Variants in CHCHD4 observed in about 807,000 individuals in gnomAD.
The protein encoded by CHCHD4 is coiled-coil-helix-coiled-coil-helix domain containing 4, also known as mitochondrial intermembrane space import and assembly protein 40.
CHCHD4 carries 7 observed loss-of-function variants against 12.4 expected under a neutral mutation model. The ratio of observed to expected loss-of-function variants is 0.57; its 90% CI spans 0.32 to 1.06. The LOEUF (loss-of-function observed/expected upper bound fraction) is 1.06, where lower values mean the gene tolerates loss of function less well. Among genes scored for constraint, CHCHD4 ranks in the 50% least tolerant of loss-of-function variants. The pLI is 0.04. For synonymous variants in CHCHD4, 56 were observed against 58.0 expected, an observed-to-expected ratio of 0.97 and a Z score of 0.16; for missense variants, 143 against 175.1, an observed-to-expected ratio of 0.82 and a Z score of 1.03.
intron 2 of CHCHD4, among the ~76,000 whole-genome samples, 162 bp downstream of exon 2, chr3:14,116,264 C>A (rs1412792194): frequency 6.6e-6 from 1 of 152,190 alleles, no homozygotes; most frequent in East Asian, 1.9e-4. Context: ...GTCCCTCAAA[C>A]CTCTGAGGAA....
chr3:14,113,927 A>G (rs187725347), intron 2 of CHCHD4, among the ~76,000 whole-genome samples: 2 of 152,266 alleles, frequency 1.3e-5, no homozygotes, highest in Non-Finnish European at 2.9e-5. Context: ...ATTGAACTTT[A>G]TTCACATCTA....
At chr3:14,115,795 G>A (rs1299477277) in intron 2 of CHCHD4, among the ~76,000 whole-genome samples, 1 of 152,180 alleles carries the variant, frequency 6.6e-6, no homozygotes, top group Non-Finnish European at 1.5e-5. Flanking sequence ...TGTACAATAC[G>A]TAGATTGTTC....
chr3:14,122,121 G>A (rs187168510), intron 1 of CHCHD4: 25 of 1,536,314 alleles, frequency 1.6e-5, no homozygotes, highest in South Asian at 7.2e-5. Flanking sequence ...AGTAGTGTTC[G>A]CTCACACGTG....
intron 1 of CHCHD4, among the ~76,000 whole-genome samples, chr3:14,120,222 A>T (rs1396128024): frequency 1.3e-5 from 2 of 149,986 alleles, no homozygotes; most frequent in African/African-American, 4.9e-5. Flanking sequence ...GACACCTTCC[A>T]CCCCCAGCTG....
intron 1 of CHCHD4, among the ~76,000 whole-genome samples, chr3:14,123,209 C>G (rs901933222): frequency 1.3e-5 from 2 of 152,078 alleles, no homozygotes; most frequent in African/African-American, 4.8e-5. Flanking sequence ...GGCAGATGGA[C>G]CTAGCCTCCC....
rs183691670 is a variant in CHCHD4 at position 14,118,803 on chromosome 3, A to T, written c.23-2279T>A. 1.8e-4 allele frequency among the ~76,000 whole-genome samples: 27 copies of T among 152,342 alleles called. 1 individual carries two copies. In the East Asian group the frequency reaches 5.0e-3, roughly 28 times the overall value. ...CAAAATACTCAAAAGCAATCTGTAAAAATGTTGAACGCTAAGCAGAATGAG... is the reference window on the plus strand; with the variant it reads ...CAAAATACTCAAAAGCAATCTGTAATAATGTTGAACGCTAAGCAGAATGAG... On this transcript the variant is annotated intron_variant, in intron 1 of 2. Transcript: ENST00000396914.
Position 14,112,731 on chromosome 3 carries a change from TG to T in CHCHD4, c.*155del. The stretch of plus-strand genomic sequence containing the variant: ...ATTTTTTTCAGTGTATATGTCAAGA[TG>T]TCAAGACCTCAAGACCTCTGATCAT... On this transcript the variant is annotated 3_prime_UTR_variant, in exon 3 of 3. Coordinates refer to ENST00000396914, the MANE Select transcript of CHCHD4 (RefSeq NM_001098502.2). The T allele has an allele frequency of 1.5e-6, 1 of 684,178 alleles. No individual in the cohort carries two copies. 42.4% of individuals were successfully genotyped at this position (684,178 alleles called of 1,614,324 possible). A position where few individuals can be genotyped will look rare whatever the true frequency, so the allele number is the denominator to read the frequency against.
At chr3:14,117,048 CA>C (rs1231703492) in intron 1 of CHCHD4, among the ~76,000 whole-genome samples, 2 of 152,242 alleles carry the variant, frequency 1.3e-5, no homozygotes. Flanking sequence ...GACCATTTCC[CA>C]ACAAGTATAA....
rs1694829724 is a variant in CHCHD4 at position 14,112,284 on chromosome 3, A to T, written c.*603T>A. On this transcript the variant is annotated 3_prime_UTR_variant, in exon 3 of 3. Transcript: ENST00000396914. ...AGCCTCTCCCTTCACTTAGAAAGGG[A>T]TTATGAATGGAAGGGTCCAAATCTT... The T allele has an allele frequency of 6.6e-6, 1 of 152,214 alleles. No individual in the cohort carries two copies. The highest frequency in any genetic ancestry group is 1.5e-5 in the Non-Finnish European group (1 of 68,068). The allele number at this position is 152,214 out of a possible 1,614,324, so 9.4% of individuals were successfully genotyped here. A position where few individuals can be genotyped will look rare whatever the true frequency, so the allele number is the denominator to read the frequency against.
intron 1 of CHCHD4, among the ~76,000 whole-genome samples, chr3:14,120,259 C>A (rs1241042321): frequency 6.6e-6 from 1 of 151,996 alleles, no homozygotes; most frequent in African/African-American, 2.4e-5. Flanking sequence ...GTAGAGCCAC[C>A]CCAACCCGTC....
Position 14,123,154 on chromosome 3 carries a change from A to G in CHCHD4, c.22+1501T>C, listed in dbSNP as rs372415976. 2.7e-4 allele frequency among the ~76,000 whole-genome samples: 41 copies of G among 152,306 alleles called. 1 individual carries two copies. The South Asian group carries it at 3.5e-3, about 13-fold the overall frequency. On this transcript the variant is annotated intron_variant, in intron 1 of 2. Coordinates refer to ENST00000396914, the MANE Select transcript of CHCHD4 (RefSeq NM_001098502.2). ...TCAATTCTCACTCCTCTCCGAACTA[A>G]GAGAGATCTTTGAAGCAGGAAAAGA...
intron 2 of CHCHD4, 83 bp downstream of exon 2, chr3:14,116,343 G>T: frequency 1.0e-6 from 1 of 996,548 alleles, no homozygotes; most frequent in Non-Finnish European, 1.6e-6. Flanking sequence ...CCTTGGCTAG[G>T]AAAACATGGG....
At position 14,124,790 on chromosome 3, in the gene CHCHD4, C is replaced by T. The variant is rs750347272; in HGVS notation, c.-114G>A. 20 of 1,245,524 alleles carry T rather than the reference C, an allele frequency of 1.6e-5. No homozygotes were observed. Among genetic ancestry groups the T allele is most frequent in the African/African-American group, 6.2e-5 (4 of 64,266 alleles). 77.2% of individuals were successfully genotyped at this position (1,245,524 alleles called of 1,614,324 possible). ...GGGCTCCTCCGAAGCCCGCGCGGACCCGCCCCCTCCCAGGCCTGCCCGCCG... is the reference window on the plus strand; with the variant it reads ...GGGCTCCTCCGAAGCCCGCGCGGACTCGCCCCCTCCCAGGCCTGCCCGCCG... On this transcript the variant is annotated 5_prime_UTR_variant, in exon 1 of 3. Coordinates refer to ENST00000396914, the MANE Select transcript of CHCHD4 (RefSeq NM_001098502.2).
intron 1 of CHCHD4, chr3:14,121,942 G>A (rs1212047746): frequency 6.2e-7 from 1 of 1,613,854 alleles, no homozygotes. Flanking sequence ...CTCTGTGGTA[G>A]TACCTGGTGG....
rs139826991 is a variant in CHCHD4, at chr3:14,120,113, C to T, written c.23-3589G>A. Among the ~76,000 whole-genome samples, 111 of 152,190 alleles carry T rather than the reference C, an allele frequency of 7.3e-4. 1 individual carries two copies. In the East Asian group the frequency reaches 0.016, roughly 22 times the overall value. The stretch of plus-strand genomic sequence containing the variant: ...ATCAACTCAGTCCCCACCCCAGAAC[C>T]TTGGTCAGAGTGGGGAACTGGAGGC... On this transcript the variant is annotated intron_variant, in intron 1 of 2. Transcript: ENST00000396914.
Position 14,115,790 on chromosome 3 carries a change from A to G in CHCHD4, c.121+636T>C, listed in dbSNP as rs554297760. Among the ~76,000 whole-genome samples, 3 of 152,332 alleles carry G rather than the reference A, an allele frequency of 2.0e-5. No individual in the cohort carries two copies. In the East Asian group the frequency reaches 5.8e-4, roughly 29 times the overall value. Reference sequence around the variant, plus strand: ...TTGATTGGTGAAGTGACTACTGTACAATACGTAGATTGTTCATGGACACTG... The same window carrying G: ...TTGATTGGTGAAGTGACTACTGTACGATACGTAGATTGTTCATGGACACTG... On this transcript the variant is annotated intron_variant, in intron 2 of 2. Transcript: ENST00000396914.
chr3:14,122,830 A>C (rs1450333829), intron 1 of CHCHD4, among the ~76,000 whole-genome samples: 1 of 152,204 alleles, frequency 6.6e-6, no homozygotes, highest in Admixed American at 6.5e-5. Flanking sequence ...TTGGAGCTAA[A>C]TGTTAAAGGA....
At chr3:14,121,783 TC>T (rs1163727554) in intron 1 of CHCHD4, 23 of 1,498,928 alleles carry the variant, frequency 1.5e-5, no homozygotes, top group Non-Finnish European at 2.0e-5. Flanking sequence ...CTAAGGACTT[TC>T]ATGTTTAGAA....
chr3:14,121,382 G>A (rs1694932413), intron 1 of CHCHD4, among the ~76,000 whole-genome samples: 1 of 152,224 alleles, frequency 6.6e-6, no homozygotes, highest in Admixed American at 6.5e-5. Flanking sequence ...AAAGCAGGAA[G>A]ACAGAATGGT....
Sources: gnomAD v4.1 joint callset for allele counts (sites outside exome capture counted in the v4.1 genomes callset) on GRCh38, gnomAD v4.1.1 for gene constraint, MANE v1.5 for transcripts, NCBI Gene and HGNC (gene_info 2026-07-23, HGNC 2026-07-21) for gene names.